Variants in PTBP3 observed in about 807,000 individuals in gnomAD.
The protein encoded by PTBP3 is polypyrimidine tract binding protein 3, also known as polypyrimidine tract-binding protein 3.
A neutral mutation model predicts 58.7 loss-of-function variants in PTBP3; 20 were observed. The ratio of observed to expected loss-of-function variants is 0.34; its 90% confidence interval spans 0.24 to 0.50. PTBP3 has a LOEUF of 0.50. PTBP3 is among the 20% of genes least tolerant of loss of function. The pLI, the probability that PTBP3 is intolerant of heterozygous loss-of-function variation, is 0.98. For missense variants in PTBP3, 509 were observed against 637.2 expected, an observed-to-expected ratio of 0.80 and a Z score of 2.17; for synonymous variants, 185 against 219.8, an observed-to-expected ratio of 0.84 and a Z score of 1.40.
At chr9:112,319,779 G>A (rs1829846530) in intron 1 of PTBP3, among the ~76,000 whole-genome samples, 1 of 152,170 alleles carries the variant, frequency 6.6e-6, no homozygotes, top group South Asian at 2.1e-4. Context: ...CAATCAAAAT[G>A]TCCCTCAGTG....
intron 1 of PTBP3, chr9:112,333,173 G>A (rs975395703): frequency 2.6e-6 from 3 of 1,160,440 alleles, no homozygotes; most frequent in Non-Finnish European, 2.2e-6. Flanking sequence ...GGCGGACCTC[G>A]GCACCGCGGC....
At position 112,220,490 on chromosome 9, in the gene PTBP3, C is replaced by T. The variant is rs1589786078; in HGVS notation, c.*3361G>A. The T allele has an allele frequency of 9.4e-7, 1 of 1,065,794 alleles. No homozygotes were observed. The highest frequency in any genetic ancestry group is 1.7e-5 in the African/African-American group (1 of 58,804). 66.0% of individuals were successfully genotyped at this position (1,065,794 alleles called of 1,614,324 possible). A position where few individuals can be genotyped will look rare whatever the true frequency, so the allele number is the denominator to read the frequency against. On this transcript the variant is annotated 3_prime_UTR_variant, in exon 14 of 14. Transcript: ENST00000374257. Reference sequence around the variant, plus strand: ...CATACTAGGTGGAGCCAAAGAAGGCCTCACTGTCATAAGGGAACAGGCAGG... The same window carrying T: ...CATACTAGGTGGAGCCAAAGAAGGCTTCACTGTCATAAGGGAACAGGCAGG...
chr9:112,240,333 T>C (rs892285080), intron 7 of PTBP3, among the ~76,000 whole-genome samples: 6 of 152,196 alleles, frequency 3.9e-5, no homozygotes, highest in African/African-American at 7.2e-5. Context: ...AGTTTTGATA[T>C]ACTGTCATGT....
At chr9:112,354,220 G>A in the PTBP3 span, among the ~76,000 whole-genome samples, 1 of 152,078 alleles carries the variant, frequency 6.6e-6, no homozygotes, top group Non-Finnish European at 1.5e-5. Context: ...GGAAATAATA[G>A]CCCTGTGCAA....
chr9:112,312,373 T>C (rs564547914), intron 1 of PTBP3, among the ~76,000 whole-genome samples: 16 of 152,028 alleles, frequency 1.1e-4, no homozygotes, highest in Admixed American at 2.6e-4. Flanking sequence ...GGTGCATGCC[T>C]GTGGTCCCCA....
intron 2 of PTBP3, among the ~76,000 whole-genome samples, chr9:112,287,469 C>G (rs1172319657): frequency 6.6e-6 from 1 of 150,544 alleles, no homozygotes; most frequent in Non-Finnish European, 1.5e-5. Flanking sequence ...GCCTCCCAAG[C>G]AGCTGAGATT....
upstream of PTBP3, among the ~76,000 whole-genome samples, chr9:112,334,184 C>T (rs1830514744): frequency 6.6e-6 from 1 of 151,984 alleles, no homozygotes; most frequent in South Asian, 2.1e-4. Flanking sequence ...ACACCAGCCC[C>T]ATAGGTGTGG....
Position 112,220,291 on chromosome 9 carries a change from CGT to C in PTBP3, c.*3558_*3559del. The C allele has an allele frequency of 7.6e-7, 1 of 1,320,032 alleles. No individual in the cohort carries two copies. The highest frequency in any genetic ancestry group is 1.2e-5 in the South Asian group (1 of 83,228). 81.8% of individuals were successfully genotyped at this position (1,320,032 alleles called of 1,614,324 possible). ...ACACTGAAAAGAACAGAGAGCCAGG[CGT>C]GGTGGCTCATGCCTGTAATCCCAGC... is the stretch of plus-strand genomic sequence containing the variant. On this transcript the variant is annotated 3_prime_UTR_variant, in exon 14 of 14. Coordinates refer to ENST00000374257, the MANE Select transcript of PTBP3 (RefSeq NM_001163788.4).
chr9:112,223,183 T>C lies in PTBP3; in HGVS notation c.*668A>G, dbSNP rs1834860848. On this transcript the variant is annotated 3_prime_UTR_variant, in exon 14 of 14. Coordinates refer to ENST00000374257, the MANE Select transcript of PTBP3 (RefSeq NM_001163788.4). ...ATTTCCCTGGGGACAGCTGAGACAC[T>C]GCATTTTTCCAAATAGTCTTAAAAA... The C allele has an allele frequency of 2.2e-6, 2 of 920,010 alleles. No individual in the cohort carries two copies. The highest frequency in any genetic ancestry group is 2.6e-6 in the Non-Finnish European group (2 of 770,032). 57.0% of individuals were successfully genotyped at this position (920,010 alleles called of 1,614,324 possible). A position where few individuals can be genotyped will look rare whatever the true frequency, so the allele number is the denominator to read the frequency against.
At chr9:112,271,147 T>A (rs1827368843) in intron 3 of PTBP3, among the ~76,000 whole-genome samples, 1 of 152,186 alleles carries the variant, frequency 6.6e-6, no homozygotes, top group Non-Finnish European at 1.5e-5. Flanking sequence ...TTTTAAGTAC[T>A]GAGGCATTCA....
At chr9:112,362,529 T>C in the PTBP3 span, among the ~76,000 whole-genome samples, 2 of 152,210 alleles carry the variant, frequency 1.3e-5, no homozygotes, top group Non-Finnish European at 2.9e-5. Context: ...GTTCAATGTA[T>C]CTTCTTTTTT....
At chr9:112,322,790 A>G (rs1232966751) in intron 1 of PTBP3, among the ~76,000 whole-genome samples, 3 of 152,164 alleles carry the variant, frequency 2.0e-5, no homozygotes, top group Non-Finnish European at 4.4e-5. Flanking sequence ...CACAGAACCA[A>G]CCCAACTTGG....
chr9:112,290,699 T>TACACACACACACACACACACAC (rs1221818154), intron 2 of PTBP3, among the ~76,000 whole-genome samples: 4 of 64,600 alleles, frequency 6.2e-5, no homozygotes, highest in South Asian at 5.2e-4. Flanking sequence ...TATATATATA[T>TACACACACACACACACACACAC]ATATATATAC....
chr9:112,286,250 C>G lies in PTBP3; in HGVS notation c.35-10237G>C, dbSNP rs534610026. Among the ~76,000 whole-genome samples, 219 of 152,290 alleles carry G rather than the reference C, an allele frequency of 1.4e-3. 1 individual carries two copies. Among genetic ancestry groups the G allele is most frequent in the Non-Finnish European group, 2.5e-3 (170 of 68,010 alleles). On this transcript the variant is annotated intron_variant, in intron 2 of 13. Coordinates refer to ENST00000374257, the MANE Select transcript of PTBP3 (RefSeq NM_001163788.4). ...TCAAGTAACTCAGTCTTCCTTTTATCTAAACAATCTTTTAATTGAATTTTT... is the reference window on the plus strand; with the variant it reads ...TCAAGTAACTCAGTCTTCCTTTTATGTAAACAATCTTTTAATTGAATTTTT...
the PTBP3 span, among the ~76,000 whole-genome samples, chr9:112,347,736 GAC>G: frequency 1.4e-4 from 22 of 152,154 alleles, no homozygotes; most frequent in African/African-American, 3.6e-4. Flanking sequence ...CATATGTATA[GAC>G]ACACAATTTT....
At chr9:112,362,904 C>A in the PTBP3 span, 1 of 298,688 alleles carries the variant, frequency 3.3e-6, no homozygotes, top group Non-Finnish European at 6.5e-6. Context: ...GCAATGAAAA[C>A]ACAAAGCACA....
intron 1 of PTBP3, among the ~76,000 whole-genome samples, chr9:112,317,804 G>A (rs375460637): frequency 1.5e-3 from 227 of 151,992 alleles, no homozygotes; most frequent in Admixed American, 3.3e-3. Context: ...AAAATTAGCC[G>A]GGCATGGTGG....
intron 1 of PTBP3, among the ~76,000 whole-genome samples, chr9:112,326,574 G>C (rs1415869048): frequency 6.6e-6 from 1 of 152,192 alleles, no homozygotes; most frequent in Admixed American, 6.5e-5. Context: ...ATAATCACTA[G>C]AAGTCCTTCC....
At chr9:112,330,497 G>A in intron 1 of PTBP3, 3 of 1,479,360 alleles carry the variant, frequency 2.0e-6, no homozygotes, top group African/African-American at 1.4e-5. Context: ...AGTAAAAAGA[G>A]AAAATGGAAA....
Sources: gnomAD v4.1 joint callset for allele counts (sites outside exome capture counted in the v4.1 genomes callset) on GRCh38, gnomAD v4.1.1 for gene constraint, MANE v1.5 for transcripts, NCBI Gene and HGNC (gene_info 2026-07-23, HGNC 2026-07-21) for gene names.